The following CEMIP variants were observed in gnomAD, a reference collection of about 807,000 sequenced individuals.
The protein encoded by CEMIP is cell migration-inducing and hyaluronan-binding protein.
CEMIP carries 105 observed loss-of-function variants against 156.9 expected under a neutral mutation model. That is an observed-to-expected ratio of 0.67 (90% CI 0.57 to 0.79). The LOEUF (loss-of-function observed/expected upper bound fraction) is 0.79, where lower values mean the gene tolerates loss of function less well. Among genes scored for constraint, CEMIP ranks in the 30% least tolerant of loss-of-function variants. The pLI is 0.00. For missense variants in CEMIP, 1,457 were observed against 1,769.4 expected (o/e 0.82, Z 3.17); for synonymous variants, 676 against 668.4 (o/e 1.01, Z -0.17).
chr15:80,864,224 A>T (rs1263687906), intron 1 of CEMIP, among the ~76,000 whole-genome samples: 2 of 152,200 alleles, frequency 1.3e-5, no homozygotes, highest in Non-Finnish European at 2.9e-5. Context: ...TTTTGCCTAG[A>T]GCCCAGTGAG....
intron 1 of CEMIP, among the ~76,000 whole-genome samples, chr15:80,867,971 A>G (rs1898175982): frequency 6.6e-6 from 1 of 152,144 alleles, no homozygotes; most frequent in African/African-American, 2.4e-5. Flanking sequence ...ACAATTTGTC[A>G]GGGAAGATTT....
intron 1 of CEMIP, among the ~76,000 whole-genome samples, chr15:80,859,601 T>G (rs967242758): frequency 1.3e-5 from 2 of 152,250 alleles, no homozygotes; most frequent in Admixed American, 6.5e-5. Context: ...AAGGCAATGA[T>G]GGGCCTACCC....
At position 80,871,841 on chromosome 15, in the gene CEMIP, T is replaced by C. The variant is rs532461136; in HGVS notation, c.-175-1697T>C. ...AGGAGCATGAAATGGAGCACTCCTC[T>C]TCTGGGGGCCATGGGAAAGGAGCCA... On this transcript the variant is annotated intron_variant, in intron 1 of 29. Transcript: ENST00000394685. 1.6e-4 allele frequency among the ~76,000 whole-genome samples: 24 copies of C among 152,330 alleles called. No homozygotes were observed. The East Asian group carries it at 4.1e-3, about 26-fold the overall frequency.
chr15:80,786,357 A>C (rs764543110), intron 1 of CEMIP, among the ~76,000 whole-genome samples: 1 of 152,068 alleles, frequency 6.6e-6, no homozygotes, highest in Non-Finnish European at 1.5e-5. Context: ...AAGCCCCCCA[A>C]GTAGCTGGGA....
At chr15:80,914,132 C>A (rs1290017563) in intron 14 of CEMIP, among the ~76,000 whole-genome samples, 1 of 152,142 alleles carries the variant, frequency 6.6e-6, no homozygotes, top group African/African-American at 2.4e-5. Context: ...GTGGGGGATG[C>A]AAAATGGGCC....
At chr15:80,898,325 T>C (rs966342927) in intron 12 of CEMIP, among the ~76,000 whole-genome samples, 1 of 152,196 alleles carries the variant, frequency 6.6e-6, no homozygotes, top group African/African-American at 2.4e-5. Flanking sequence ...GGCTATTTCA[T>C]GGGATTGTTG....
chr15:80,906,703 C>T lies in CEMIP; in HGVS notation c.1452C>T (p.Gly484=), dbSNP rs117248441. ...TGCACATCGGGGAGGAGATAGACGG[C>T]GTGGACATGCGGGCGGAGGTTGGGC... is the stretch of plus-strand genomic sequence containing the variant. ...MYLHIGEEID[G]VDMRAEVGLL... is the part of the protein sequence containing the mutation. The change falls in exon 13 of 30, where the codon GGC becomes GGT. Residue 484 remains glycine (G), a synonymous_variant. Coordinates refer to ENST00000394685, the MANE Select transcript of CEMIP (RefSeq NM_001293298.2). This position sits in a 1 kb window ranked among gnomAD's most constrained non-coding sequence, Gnocchi z 4.3. 124 of 1,614,134 alleles carry T rather than the reference C, an allele frequency of 7.7e-5. No individual in the cohort carries two copies. The East Asian group carries it at 1.4e-3, about 19-fold the overall frequency.
In CEMIP at chr15:80,942,074, C is replaced by G. The variant is rs776730896; in HGVS notation, c.3612+21C>G. On this transcript the variant is annotated intron_variant, in intron 26 of 29. Coordinates refer to ENST00000394685, the MANE Select transcript of CEMIP (RefSeq NM_001293298.2). The stretch of plus-strand genomic sequence containing the variant: ...AGCTGGTGAGTGGCTGAGAGCAAAG[C>G]CTAGACCCCTTTGCCGTCCAGTCGG... The G allele has an allele frequency of 3.7e-6, 6 of 1,607,958 alleles. No individual in the cohort carries two copies. In the East Asian group the frequency reaches 1.3e-4, roughly 36 times the overall value.
Position 80,920,145 on chromosome 15 carries a change from G to A in CEMIP, c.1849G>A (p.Asp617Asn). 1 of 1,614,238 alleles carries A rather than the reference G, an allele frequency of 6.2e-7. No homozygotes were observed. Among genetic ancestry groups the A allele is most frequent in the Non-Finnish European group, 8.5e-7 (1 of 1,180,048 alleles). ...NSLGHCFFTE[D>N]GPEERNTFDH... is the part of the protein sequence containing the mutation. ...TTTGGGCCACTGCTTCTTCACGGAA[G>A]ATGGGCCGGAGGAACGCAACACTTT... Residue 617 changes from aspartate to asparagine, a missense_variant, in exon 15 of 30, where the codon GAT (aspartate) becomes AAT (asparagine). This residue lies in a region of CEMIP where 798 missense variants were observed against 980.1 expected (regional missense o/e 0.81). Coordinates refer to ENST00000394685, the MANE Select transcript of CEMIP (RefSeq NM_001293298.2).
In CEMIP at chr15:80,922,023, GT is replaced by G; in HGVS notation, c.2091del (p.Phe697LeufsTer41). 6.2e-7 allele frequency: 1 copy of G among 1,614,264 alleles called. No individual in the cohort carries two copies. Among genetic ancestry groups the G allele is most frequent in the Non-Finnish European group, 8.5e-7 (1 of 1,180,050 alleles). ...TTCCCCAACAGGAAACTGGATTTTG[GT>G]TTATTTTTCACCACGTACCAACGGG... is the stretch of plus-strand genomic sequence containing the variant. The part of the protein sequence containing the change: ...AAGSEETGFW[F>X]IFHHVPTGPS... On this transcript the variant is annotated frameshift_variant, in exon 17 of 30. Coordinates refer to ENST00000394685, the MANE Select transcript of CEMIP (RefSeq NM_001293298.2). LOFTEE classifies it high-confidence loss of function.
Position 80,920,148 on chromosome 15 carries a change from G to A in CEMIP, c.1852G>A (p.Gly618Arg). The A allele has an allele frequency of 6.2e-7, 1 of 1,614,236 alleles. No individual in the cohort carries two copies. The highest frequency in any genetic ancestry group is 8.5e-7 in the Non-Finnish European group (1 of 1,180,040). Residue 618 changes from glycine to arginine, a missense_variant, in exon 15 of 30, where the codon GGG (glycine) becomes AGG (arginine). Physicochemically the swap from Gly to Arg is moderately radical, Grantham distance 125 (BLOSUM62 -2). Around this residue, in one of 5 missense-constraint regions of CEMIP, gnomAD observed 798 missense variants for 980.1 expected, o/e 0.81. Coordinates refer to ENST00000394685, the MANE Select transcript of CEMIP (RefSeq NM_001293298.2). ...GGGCCACTGCTTCTTCACGGAAGAT[G>A]GGCCGGAGGAACGCAACACTTTTGA... is the stretch of plus-strand genomic sequence containing the variant. ...SLGHCFFTED[G>R]PEERNTFDHC...
intron 1 of CEMIP, among the ~76,000 whole-genome samples, chr15:80,848,830 T>A (rs1221432584): frequency 6.7e-6 from 1 of 150,350 alleles, no homozygotes; most frequent in Non-Finnish European, 1.5e-5. Context: ...GATGAATCTT[T>A]TCTGCACTCC....
At chr15:80,928,565 C>A (rs75088458) in intron 19 of CEMIP, among the ~76,000 whole-genome samples, 8 of 152,168 alleles carry the variant, frequency 5.3e-5, no homozygotes, top group African/African-American at 1.9e-4. Flanking sequence ...TTCTCCTGAT[C>A]CAACCTCACA....
chr15:80,936,951 T>C, intron 24 of CEMIP, 66 bp downstream of exon 24: 4 of 1,476,688 alleles, frequency 2.7e-6, no homozygotes, highest in Non-Finnish European at 1.9e-6. Context: ...TGCAAAGTCC[T>C]GGACTTGCGT....
intron 1 of CEMIP, among the ~76,000 whole-genome samples, chr15:80,780,100 C>A (rs1434285625): frequency 6.6e-6 from 1 of 152,092 alleles, no homozygotes; most frequent in African/African-American, 2.4e-5. Context: ...CCTGCTGCTC[C>A]TGCCTCAGCA....
chr15:80,933,163 C>T (rs934754194), intron 22 of CEMIP, 82 bp from the exon 23 acceptor site: 15 of 1,260,516 alleles, frequency 1.2e-5, no homozygotes, highest in Admixed American at 9.4e-5. Flanking sequence ...CAGTGGAAAT[C>T]GGAAACCTCG....
intron 12 of CEMIP, among the ~76,000 whole-genome samples, chr15:80,899,849 A>G (rs1899396875): frequency 6.6e-6 from 1 of 152,230 alleles, no homozygotes; most frequent in African/African-American, 2.4e-5. Flanking sequence ...TGTGTCACCC[A>G]GGGACAATTG....
In CEMIP at chr15:80,886,427, C is replaced by T. The variant is rs371870275; in HGVS notation, c.798-1267C>T. ...AGCAGGAAAGTGGACAGTTAAATCC[C>T]CAACCTCAGTTAAACACCGTTCAAT... On this transcript the variant is annotated intron_variant, in intron 7 of 29. Transcript: ENST00000394685. 5.9e-5 allele frequency among the ~76,000 whole-genome samples: 9 copies of T among 152,186 alleles called. No individual in the cohort carries two copies. The East Asian group carries it at 1.7e-3, about 29-fold the overall frequency.
chr15:80,940,848 G>A (rs918286547), intron 25 of CEMIP, among the ~76,000 whole-genome samples: 2 of 152,124 alleles, frequency 1.3e-5, no homozygotes, highest in South Asian at 4.1e-4. Flanking sequence ...ACGCACACAC[G>A]CATGGCCTCT....
Sources: gnomAD v4.1 joint callset for allele counts (sites outside exome capture counted in the v4.1 genomes callset) on GRCh38, gnomAD v4.1.1 for gene constraint, gnomAD v4.1.1 regional missense constraint, Gnocchi (gnomAD v3.1) non-coding constraint, MANE v1.5 for transcripts, NCBI Gene and HGNC (gene_info 2026-07-23, HGNC 2026-07-21) for gene names.